The following TMEM114 variants were observed in gnomAD, a reference collection of about 807,000 sequenced individuals.
TMEM114 encodes transmembrane protein 114.
Under a neutral mutation model 6.2 loss-of-function variants are expected in TMEM114, and 6 were observed. The observed-to-expected ratio is 0.97, with a 90% confidence interval of 0.53 to 1.91. TMEM114 has a LOEUF of 1.91. Among genes scored for constraint, TMEM114 ranks in the 40% most tolerant of loss-of-function variants. TMEM114 has a pLI of 0.01. For synonymous variants in TMEM114, 104 were observed against 73.0 expected (o/e 1.42, Z -2.16); for missense variants, 218 against 158.3 (o/e 1.38, Z -2.02).
chr16:8,538,229 T>C (rs1395182103), intron 2 of TMEM114, among the ~76,000 whole-genome samples: 1 of 149,814 alleles, frequency 6.7e-6, no homozygotes, highest in Non-Finnish European at 1.5e-5. Context: ...CACTGGAGCC[T>C]AGAAAACCAT....
At chr16:8,570,700 A>C (rs544528017) in intron 3 of TMEM114, among the ~76,000 whole-genome samples, 69 of 152,096 alleles carry the variant, frequency 4.5e-4, no homozygotes, top group African/African-American at 1.3e-3. Context: ...GGTTTTGCTC[A>C]TTTTCAATTC....
At chr16:8,542,043 G>T (rs4131879) in intron 2 of TMEM114, among the ~76,000 whole-genome samples, 1 of 151,884 alleles carries the variant, frequency 6.6e-6, no homozygotes, top group Non-Finnish European at 1.5e-5. Context: ...GAAAAAGCAC[G>T]CCAACATTAG....
chr16:8,528,167 C>T, the TMEM114 span, among the ~76,000 whole-genome samples: 9 of 152,100 alleles, frequency 5.9e-5, no homozygotes, highest in African/African-American at 2.2e-4. Context: ...TCCCAAAGTG[C>T]TAGAACTACA....
At chr16:8,528,248 A>G in the TMEM114 span, among the ~76,000 whole-genome samples, 2,780 of 151,050 alleles carry the variant, frequency 0.018, 44 homozygotes, top group African/African-American at 0.04. Context: ...CAAAATGCGC[A>G]CACACACACA....
At chr16:8,547,680 C>A (rs564903941) in intron 2 of TMEM114, among the ~76,000 whole-genome samples, 1 of 152,096 alleles carries the variant, frequency 6.6e-6, no homozygotes, top group Non-Finnish European at 1.5e-5. Context: ...CATGAGCCAC[C>A]GCACCCAGCC....
intron 2 of TMEM114, among the ~76,000 whole-genome samples, chr16:8,564,125 G>GTGAGTTAGTGAATGAGTGAGTGAA (rs1196292328): frequency 1.3e-5 from 2 of 151,464 alleles, no homozygotes; most frequent in South Asian, 2.1e-4. Flanking sequence ...AAGTGAATGA[G>GTGAGTTAGTGAATGAGTGAGTGAA]TGAGTTAGTG....
chr16:8,530,789 C>T, the TMEM114 span, among the ~76,000 whole-genome samples: 5 of 152,028 alleles, frequency 3.3e-5, no homozygotes, highest in African/African-American at 7.2e-5. Context: ...TTTGGGAGGC[C>T]GAGTCAGATG....
downstream of TMEM114, among the ~76,000 whole-genome samples, chr16:8,568,728 A>G (rs1901626008): frequency 6.6e-6 from 1 of 152,160 alleles, no homozygotes; most frequent in Non-Finnish European, 1.5e-5. Context: ...ATGACTTGGA[A>G]TCTTGCAGGA....
At chr16:8,554,437 T>A (rs898117632) in intron 2 of TMEM114, among the ~76,000 whole-genome samples, 5 of 152,108 alleles carry the variant, frequency 3.3e-5, no homozygotes, top group Non-Finnish European at 1.5e-5. Flanking sequence ...GAGGCACCAT[T>A]GCTGACCAGA....
At chr16:8,560,810 G>T (rs530313783) in intron 2 of TMEM114, among the ~76,000 whole-genome samples, 5 of 152,300 alleles carry the variant, frequency 3.3e-5, no homozygotes, top group Non-Finnish European at 5.9e-5. Context: ...CAGCATTGGG[G>T]ACTGAGGCTG....
Position 8,569,769 on chromosome 16 carries a change from A to G in TMEM114, c.*4T>C, listed in dbSNP as rs1299891704. 1.9e-6 allele frequency: 3 copies of G among 1,547,658 alleles called. No individual in the cohort carries two copies. Among genetic ancestry groups the G allele is most frequent in the Non-Finnish European group, 2.6e-6 (3 of 1,144,868 alleles). On this transcript the variant is annotated 3_prime_UTR_variant, in exon 4 of 4. Coordinates refer to ENST00000620492, the MANE Select transcript of TMEM114 (RefSeq NM_001146336.2). ...CCCTCCCCTCCACGACCCAGCGCCCAGGCTCATATGGCCTGGTCCTGCCTC... is the reference window on the plus strand; with the variant it reads ...CCCTCCCCTCCACGACCCAGCGCCCGGGCTCATATGGCCTGGTCCTGCCTC...
At chr16:8,576,018 G>A (rs1156934079) in intron 2 of TMEM114, among the ~76,000 whole-genome samples, 5 of 152,076 alleles carry the variant, frequency 3.3e-5, no homozygotes, top group South Asian at 2.1e-4. Context: ...GCTAGACTGC[G>A]GTGTTCTGCT....
downstream of TMEM114, among the ~76,000 whole-genome samples, chr16:8,566,064 G>A (rs550962213): frequency 1.3e-5 from 2 of 152,264 alleles, no homozygotes; most frequent in South Asian, 4.2e-4. Context: ...AAATACGGCA[G>A]GACAGATCGA....
At chr16:8,564,597 C>G (rs62646492), downstream of TMEM114, among the ~76,000 whole-genome samples, 62,405 of 81,122 alleles carry the variant, frequency 0.77, 23,336 homozygotes, top group East Asian at 0.84. Flanking sequence ...GAGTGAGTGA[C>G]GGAGGGAGGG....
the TMEM114 span, among the ~76,000 whole-genome samples, chr16:8,527,959 G>T: frequency 6.6e-6 from 1 of 152,034 alleles, no homozygotes; most frequent in Non-Finnish European, 1.5e-5. Flanking sequence ...CCAGGCTGGA[G>T]TGCAGTGGTG....
intron 2 of TMEM114, among the ~76,000 whole-genome samples, chr16:8,552,443 GA>G (rs1900875183): frequency 6.6e-6 from 1 of 151,846 alleles, no homozygotes; most frequent in Non-Finnish European, 1.5e-5. Context: ...TGAGGTGATT[GA>G]AAAGGTCTGC....
chr16:8,529,477 G>C, the TMEM114 span, among the ~76,000 whole-genome samples: 13 of 152,188 alleles, frequency 8.5e-5, no homozygotes, highest in Admixed American at 7.9e-4. Flanking sequence ...TGGAGAAGTG[G>C]ACAGGGAGTG....
At chr16:8,535,801 G>A (rs111666321), downstream of TMEM114, among the ~76,000 whole-genome samples, 2,943 of 152,284 alleles carry the variant, frequency 0.019, 53 homozygotes, top group African/African-American at 0.043. Flanking sequence ...TTCATGTGCT[G>A]CCTGGGGTGT....
chr16:8,561,259 AT>A (rs1403156469), intron 2 of TMEM114, among the ~76,000 whole-genome samples: 13 of 152,202 alleles, frequency 8.5e-5, no homozygotes, highest in African/African-American at 3.1e-4. Context: ...GGCAACACTT[AT>A]TGAGCTAGTT....
Sources: gnomAD v4.1 joint callset for allele counts (sites outside exome capture counted in the v4.1 genomes callset) on GRCh38, gnomAD v4.1.1 for gene constraint, MANE v1.5 for transcripts, NCBI Gene and HGNC (gene_info 2026-07-23, HGNC 2026-07-21) for gene names.